Variants in CYRIA observed in about 807,000 individuals in gnomAD.
The protein encoded by CYRIA is CYFIP-related Rac1 interactor A.
Under a neutral mutation model 43.9 loss-of-function variants are expected in CYRIA, and 15 were observed. The ratio of observed to expected loss-of-function variants is 0.34; its 90% confidence interval spans 0.23 to 0.53. The LOEUF (loss-of-function observed/expected upper bound fraction) is 0.53, where lower values mean the gene tolerates loss of function less well. Among genes scored for constraint, CYRIA ranks in the 20% least tolerant of loss-of-function variants. CYRIA has a pLI of 0.94. For missense variants in CYRIA, 236 were observed against 394.2 expected (o/e 0.60, Z 3.40); for synonymous variants, 117 against 136.0 (o/e 0.86, Z 0.97).
intron 2 of CYRIA, among the ~76,000 whole-genome samples, chr2:16,620,511 C>T (rs1459691452): frequency 6.6e-6 from 1 of 152,176 alleles, no homozygotes; most frequent in African/African-American, 2.4e-5. Flanking sequence ...AAACTATAAT[C>T]TTATAATAAT....
intron 1 of CYRIA, among the ~76,000 whole-genome samples, chr2:16,630,996 G>A (rs1305823727): frequency 6.6e-6 from 1 of 152,206 alleles, no homozygotes; most frequent in African/African-American, 2.4e-5. Flanking sequence ...GGTGATGCAA[G>A]CCAGGAGGTT....
chr2:16,587,806 C>T (rs1474898186), intron 3 of CYRIA, among the ~76,000 whole-genome samples: 5 of 152,050 alleles, frequency 3.3e-5, no homozygotes, highest in Non-Finnish European at 7.4e-5. Flanking sequence ...CCATGTAAGA[C>T]GTCCCTTACT....
chr2:16,639,922 G>A (rs1245565034), intron 1 of CYRIA, among the ~76,000 whole-genome samples: 2 of 152,116 alleles, frequency 1.3e-5, no homozygotes, highest in East Asian at 3.9e-4. Flanking sequence ...CAATATTTTG[G>A]ACCACTCTTT....
Position 16,552,185 on chromosome 2 carries a change from T to C in CYRIA, c.*751A>G, listed in dbSNP as rs1050810294. The C allele has an allele frequency of 6.6e-6, 1 of 152,122 alleles. No homozygotes were observed. Among genetic ancestry groups the C allele is most frequent in the Non-Finnish European group, 1.5e-5 (1 of 68,026 alleles). 9.4% of individuals were successfully genotyped at this position (152,122 alleles called of 1,614,324 possible). A position where few individuals can be genotyped will look rare whatever the true frequency, so the allele number is the denominator to read the frequency against. On this transcript the variant is annotated 3_prime_UTR_variant, in exon 12 of 12. Transcript: ENST00000381323. Reference sequence around the variant, plus strand: ...CTGAAGCAGAGAGATGGCTGTCCTGTTGCCTGAGTGCACCTCTGAGGACCT... The same window carrying C: ...CTGAAGCAGAGAGATGGCTGTCCTGCTGCCTGAGTGCACCTCTGAGGACCT...
At chr2:16,566,056 C>T (rs559613691) in intron 3 of CYRIA, among the ~76,000 whole-genome samples, 24 of 152,242 alleles carry the variant, frequency 1.6e-4, no homozygotes, top group Non-Finnish European at 2.8e-4. Flanking sequence ...ACACCTGCTA[C>T]GTAAAACAGG....
chr2:16,665,331 A>G (rs1308884158), intron 1 of CYRIA, among the ~76,000 whole-genome samples: 2 of 151,964 alleles, frequency 1.3e-5, no homozygotes, highest in Admixed American at 1.3e-4. Flanking sequence ...AGAAGGGTCC[A>G]GGTGTGCAGG....
At chr2:16,555,342 A>G (rs536209560) in intron 10 of CYRIA, among the ~76,000 whole-genome samples, 1 of 147,492 alleles carries the variant, frequency 6.8e-6, no homozygotes, top group East Asian at 2.4e-4. Flanking sequence ...GACTGCAATC[A>G]TTATCAATTT....
At chr2:16,561,872 T>C (rs1318022366) in intron 6 of CYRIA, 133 bp downstream of exon 6, 2 of 826,396 alleles carry the variant, frequency 2.4e-6, no homozygotes, top group East Asian at 2.6e-5. Context: ...CACCACATTA[T>C]ATGTCTCTCT....
intron 1 of CYRIA, among the ~76,000 whole-genome samples, chr2:16,637,248 T>G (rs1489850859): frequency 6.6e-6 from 1 of 152,218 alleles, no homozygotes; most frequent in Non-Finnish European, 1.5e-5. Context: ...CAAGATGACT[T>G]CTAGGGACTG....
At chr2:16,610,438 A>G (rs1284443660) in intron 2 of CYRIA, among the ~76,000 whole-genome samples, 1 of 152,260 alleles carries the variant, frequency 6.6e-6, no homozygotes, top group African/African-American at 2.4e-5. Flanking sequence ...GGGCTGTGGA[A>G]ACTCATAGCA....
chr2:16,604,414 G>A (rs774912365), intron 2 of CYRIA, among the ~76,000 whole-genome samples: 4 of 152,206 alleles, frequency 2.6e-5, no homozygotes, highest in African/African-American at 4.8e-5. Flanking sequence ...CCCAGCCATC[G>A]TCTGGCATCC....
chr2:16,624,946 T>C (rs1669111431), intron 1 of CYRIA, among the ~76,000 whole-genome samples: 1 of 152,222 alleles, frequency 6.6e-6, no homozygotes, highest in Non-Finnish European at 1.5e-5. Flanking sequence ...CAAAAAGAGA[T>C]ACAATGCAGA....
At chr2:16,630,541 G>A (rs1669298125) in intron 1 of CYRIA, among the ~76,000 whole-genome samples, 1 of 152,112 alleles carries the variant, frequency 6.6e-6, no homozygotes, top group African/African-American at 2.4e-5. Context: ...CCATGTTCAG[G>A]GCAGGAAAAC....
At chr2:16,580,953 T>C (rs1667529357) in intron 3 of CYRIA, among the ~76,000 whole-genome samples, 1 of 152,192 alleles carries the variant, frequency 6.6e-6, no homozygotes, top group Non-Finnish European at 1.5e-5. Flanking sequence ...CAAAAATTAG[T>C]TGAAGATCAG....
chr2:16,559,321 GA>G, intron 10 of CYRIA, 138 bp downstream of exon 10: 3 of 1,021,124 alleles, frequency 2.9e-6, no homozygotes, highest in Non-Finnish European at 4.2e-6. Flanking sequence ...TTGCTGTGAG[GA>G]CAGCTGCCAG....
intron 2 of CYRIA, among the ~76,000 whole-genome samples, chr2:16,588,626 A>G (rs1216758210): frequency 6.6e-6 from 1 of 152,126 alleles, no homozygotes; most frequent in Non-Finnish European, 1.5e-5. Context: ...GAAAGACAAC[A>G]AAGACGGCAT....
chr2:16,625,793 A>AAAGTGATCAGGTATCAG (rs1669144474), intron 1 of CYRIA: 1 of 151,586 alleles, frequency 6.6e-6, no homozygotes, highest in Non-Finnish European at 1.5e-5. Context: ...AAAAGCTCTC[A>AAAGTGATCAGGTATCAG]AAGTGATCAG....
rs182857996 is a variant in CYRIA at position 16,590,972 on chromosome 2, G to A, written c.-10-2843C>T. ...TCATCACACAGATGGTCACCTAGTAGACTCCACAGTTATTTTTAATTGGAC... is the reference window on the plus strand; with the variant it reads ...TCATCACACAGATGGTCACCTAGTAAACTCCACAGTTATTTTTAATTGGAC... On this transcript the variant is annotated intron_variant, in intron 2 of 11. Coordinates refer to ENST00000381323, the MANE Select transcript of CYRIA (RefSeq NM_030797.4). Among the ~76,000 whole-genome samples, 36 of 152,192 alleles carry A rather than the reference G, an allele frequency of 2.4e-4. No individual in the cohort carries two copies. The East Asian group carries it at 5.8e-3, about 25-fold the overall frequency.
chr2:16,608,941 C>A (rs547628633), intron 2 of CYRIA, among the ~76,000 whole-genome samples: 22 of 152,250 alleles, frequency 1.4e-4, no homozygotes, highest in South Asian at 6.2e-4. Context: ...CATACAAGAG[C>A]CCATTTATGA....
Sources: gnomAD v4.1 joint callset for allele counts (sites outside exome capture counted in the v4.1 genomes callset) on GRCh38, gnomAD v4.1.1 for gene constraint, MANE v1.5 for transcripts, NCBI Gene and HGNC (gene_info 2026-07-23, HGNC 2026-07-21) for gene names.